The following FAT4 variants were observed in gnomAD, a reference collection of about 807,000 sequenced individuals.
FAT4 encodes the protein FAT atypical cadherin 4.
A neutral mutation model predicts 303.9 loss-of-function variants in FAT4; 84 were observed. The observed-to-expected ratio is 0.28, with a 90% CI of 0.23 to 0.33. FAT4 has a LOEUF of 0.33. Among genes scored for constraint, FAT4 ranks in the 10% least tolerant of loss-of-function variants. FAT4 has a pLI of 1.00. For missense variants in FAT4, 6,005 were observed against 6,146.8 expected, an observed-to-expected ratio of 0.98 and a Z score of 0.77; for synonymous variants, 2,307 against 2,298.8, an observed-to-expected ratio of 1.00 and a Z score of -0.10.
intron 10 of FAT4, among the ~76,000 whole-genome samples, chr4:125,454,367 T>C (rs568873903): frequency 1.6e-4 from 25 of 152,294 alleles, no homozygotes; most frequent in Admixed American, 3.9e-4. Context: ...GAAGAAAAAG[T>C]GGCAGAAAAC....
At chr4:125,437,407 T>G (rs1464437037) in intron 8 of FAT4, among the ~76,000 whole-genome samples, 3 of 152,198 alleles carry the variant, frequency 2.0e-5, no homozygotes, top group African/African-American at 7.2e-5. Flanking sequence ...ATGAATTATT[T>G]GCATGCATTG....
At chr4:125,444,448 C>G (rs985261625) in intron 8 of FAT4, among the ~76,000 whole-genome samples, 1 of 152,080 alleles carries the variant, frequency 6.6e-6, no homozygotes, top group African/African-American at 2.4e-5. Context: ...AATGATGGAA[C>G]CCTGATGGTC....
At chr4:125,355,985 G>GT (rs905764465) in intron 2 of FAT4, among the ~76,000 whole-genome samples, 6 of 151,804 alleles carry the variant, frequency 4.0e-5, no homozygotes, top group African/African-American at 7.2e-5. Context: ...TTTGGATCAT[G>GT]TTTTTTTTCT....
chr4:125,452,213 T>C lies in FAT4; in HGVS notation c.11203T>C (p.Phe3735Leu). Residue 3735 changes from phenylalanine to leucine, a missense_variant, in exon 10 of 18, where the codon TTT becomes CTT. By Grantham distance (22) the Phe-to-Leu change is conservative. Coordinates refer to ENST00000394329, the MANE Select transcript of FAT4 (RefSeq NM_001291303.3). ...CTTCTTGACCAACCACTATCTTCAT[T>C]TTTTACGCATTGCCAGCTCACAGCT... ...KDFLTNHYLH[F>L]LRIASSQLTG... 1 of 1,614,214 alleles carries C rather than the reference T, an allele frequency of 6.2e-7. No homozygotes were observed. The highest frequency in any genetic ancestry group is 8.5e-7 in the Non-Finnish European group (1 of 1,180,030).
chr4:125,342,996 AGTTTTATAAGT>A (rs1731855128), intron 2 of FAT4, among the ~76,000 whole-genome samples: 4 of 152,166 alleles, frequency 2.6e-5, no homozygotes, highest in Admixed American at 2.6e-4. Context: ...GGCTAATATT[AGTTTTATAAGT>A]GTTTTAATAA....
In FAT4 at chr4:125,451,387, G is replaced by A. The variant is rs569467294; in HGVS notation, c.10377G>A (p.Pro3459=). The change falls in exon 10 of 18, where the codon CCG becomes CCA. Residue 3459 remains proline, a synonymous_variant. Coordinates refer to ENST00000394329, the MANE Select transcript of FAT4 (RefSeq NM_001291303.3). ...AAAATGGTGCCTTTTCTATTAATCC[G>A]CAGACAGGACAGATCACCGTTACTG... ...GNENGAFSIN[P]QTGQITVTAE... The A allele has an allele frequency of 2.4e-5, 38 of 1,614,060 alleles. No homozygotes were observed. Among genetic ancestry groups the A allele is most frequent in the East Asian group, 1.1e-4 (5 of 44,856 alleles).
At chr4:125,464,851 C>A (rs1726606666) in intron 11 of FAT4, among the ~76,000 whole-genome samples, 1 of 152,114 alleles carries the variant, frequency 6.6e-6, no homozygotes, top group Admixed American at 6.6e-5. Flanking sequence ...CAAGAAAGAG[C>A]AAGGATATTT....
Position 125,450,645 on chromosome 4 carries a change from G to C in FAT4, c.9635G>C (p.Gly3212Ala), listed in dbSNP as rs768328641. 6.8e-6 allele frequency: 11 copies of C among 1,613,920 alleles called. No homozygotes were observed. Among genetic ancestry groups the C allele is most frequent in the Non-Finnish European group, 6.8e-6 (8 of 1,180,000 alleles). The change falls in exon 10 of 18, where the codon GGA (glycine) becomes GCA (alanine). Residue 3212 changes from glycine (G) to alanine (A), a missense_variant. By Grantham distance (60) the Gly-to-Ala change is moderately conservative (BLOSUM62 0). Transcript: ENST00000394329. ...FPTVLENAPSGTTVIHLNATD... is the reference protein window; with the variant it reads ...FPTVLENAPSATTVIHLNATD... ...ACTGTTTTGGAAAATGCCCCAAGTG[G>C]AACAACAGTTATCCACCTAAATGCA...
intron 2 of FAT4, among the ~76,000 whole-genome samples, chr4:125,371,795 GA>G (rs1733123971): frequency 6.6e-6 from 1 of 151,940 alleles, no homozygotes; most frequent in South Asian, 2.1e-4. Context: ...TGAACAAAGT[GA>G]TGTAATGGAG....
At chr4:125,351,298 T>C (rs1732216576) in intron 2 of FAT4, among the ~76,000 whole-genome samples, 2 of 151,750 alleles carry the variant, frequency 1.3e-5, no homozygotes, top group African/African-American at 4.8e-5. Context: ...ATACAGGCCA[T>C]CACTGATACA....
Position 125,319,265 on chromosome 4 carries a change from C to T in FAT4, c.2854C>T (p.Leu952Phe). The T allele has an allele frequency of 6.2e-7, 1 of 1,614,134 alleles. No homozygotes were observed. Among genetic ancestry groups the T allele is most frequent in the Non-Finnish European group, 8.5e-7 (1 of 1,180,014 alleles). ...TGAAAAGAATGGCACTATTAGTCTGCTTGGGCCCCTGGATGTTCATGCTGG... is the reference window on the plus strand; with the variant it reads ...TGAAAAGAATGGCACTATTAGTCTGTTTGGGCCCCTGGATGTTCATGCTGG... The part of the protein sequence containing the change: ...INEKNGTISL[L>F]GPLDVHAGSY... The change falls in exon 2 of 18, where the codon CTT becomes TTT. Residue 952 changes from leucine (L) to phenylalanine (F), a missense_variant. Physicochemically the swap from Leu to Phe is conservative, Grantham distance 22. Transcript: ENST00000394329.
At chr4:125,340,517 G>C (rs933179211) in intron 2 of FAT4, among the ~76,000 whole-genome samples, 15 of 152,152 alleles carry the variant, frequency 9.9e-5, no homozygotes, top group Admixed American at 2.0e-4. Context: ...CTCTGGAGAA[G>C]CTGGGACTAC....
rs550732870 is a variant in FAT4 at position 125,471,781 on chromosome 4, G to A, written c.12213+2962G>A. 6.6e-5 allele frequency among the ~76,000 whole-genome samples: 10 copies of A among 151,352 alleles called. No homozygotes were observed. In the East Asian group the frequency reaches 2.0e-3, roughly 30 times the overall value. On this transcript the variant is annotated intron_variant, in intron 12 of 17. Coordinates refer to ENST00000394329, the MANE Select transcript of FAT4 (RefSeq NM_001291303.3). The stretch of plus-strand genomic sequence containing the variant: ...GTGTAGTTACTGGTGGCCAGGCGGG[G>A]TGGCTCACGCCTGTAATCCCAGCAC...
intron 14 of FAT4, among the ~76,000 whole-genome samples, chr4:125,478,094 G>T (rs921360455): frequency 6.6e-6 from 1 of 152,078 alleles, no homozygotes; most frequent in African/African-American, 2.4e-5. Flanking sequence ...ACCCTGTGAT[G>T]AACACATTTT....
At chr4:125,381,150 A>G (rs953676734) in intron 2 of FAT4, among the ~76,000 whole-genome samples, 1 of 152,204 alleles carries the variant, frequency 6.6e-6, no homozygotes, top group African/African-American at 2.4e-5. Flanking sequence ...ACATGGTATT[A>G]AGAGAAAACC....
chr4:125,343,928 C>T (rs1731895752), intron 2 of FAT4, among the ~76,000 whole-genome samples: 1 of 152,062 alleles, frequency 6.6e-6, no homozygotes, highest in Non-Finnish European at 1.5e-5. Context: ...ATGAATTGGT[C>T]TCTGGATCAT....
rs2126061735 is a variant in FAT4 at position 125,452,152 on chromosome 4, C to T, written c.11142C>T (p.Ser3714=). 2 of 1,614,202 alleles carry T rather than the reference C, an allele frequency of 1.2e-6. No individual in the cohort carries two copies. The highest frequency in any genetic ancestry group is 1.6e-4 in the Middle Eastern group (1 of 6,062). ...TTTCCAATGCCACAGTGGATAACAG[C>T]ATCTTACTTCGTCTCGGCGTACCAA... ...AGFSNATVDN[S]ILLRLGVPTV... The change falls in exon 10 of 18, where the codon AGC becomes AGT. Residue 3714 remains serine, a synonymous_variant. Coordinates refer to ENST00000394329, the MANE Select transcript of FAT4 (RefSeq NM_001291303.3).
intron 3 of FAT4, among the ~76,000 whole-genome samples, chr4:125,401,246 AGT>A (rs1297746486): frequency 6.6e-6 from 1 of 152,054 alleles, no homozygotes; most frequent in Non-Finnish European, 1.5e-5. Context: ...TTTCATATTA[AGT>A]AGAATGGCTG....
At chr4:125,379,887 G>A (rs1733475479) in intron 2 of FAT4, among the ~76,000 whole-genome samples, 1 of 151,536 alleles carries the variant, frequency 6.6e-6, no homozygotes. Context: ...CGTGTTTATG[G>A]AGTTCACTCT....
Sources: allele counts gnomAD v4.1 joint callset (sites outside exome capture counted in the v4.1 genomes callset), GRCh38; gene constraint gnomAD v4.1.1; transcripts MANE v1.5; gene names NCBI Gene and HGNC (gene_info 2026-07-23, HGNC 2026-07-21).